GALNT17: variants seen among roughly 807,000 people sequenced by gnomAD.
GALNT17 encodes UDP-GalNAc:polypeptide N-acetylgalactosaminyltransferase-like 3.
GALNT17 carries 29 observed loss-of-function variants against 63.7 expected under a neutral mutation model. The ratio of observed to expected loss-of-function variants is 0.46; its 90% CI spans 0.34 to 0.62. The LOEUF (loss-of-function observed/expected upper bound fraction) is 0.62. Among genes scored for constraint, GALNT17 ranks in the 20% least tolerant of loss-of-function variants. GALNT17 has a pLI of 0.01. For missense variants in GALNT17, 603 were observed against 799.6 expected (o/e 0.75, Z 2.97); for synonymous variants, 305 against 318.3 (o/e 0.96, Z 0.45).
At chr7:71,632,647 G>A (rs1199070213) in intron 6 of GALNT17, among the ~76,000 whole-genome samples, 2 of 152,186 alleles carry the variant, frequency 1.3e-5, no homozygotes, top group Non-Finnish European at 2.9e-5. Flanking sequence ...AATACAACCA[G>A]AATGTAGCAA....
intron 5 of GALNT17, among the ~76,000 whole-genome samples, chr7:71,445,014 G>T (rs1787134781): frequency 6.6e-6 from 1 of 151,968 alleles, no homozygotes; most frequent in South Asian, 2.1e-4. Flanking sequence ...GTGACAGGAG[G>T]GTTTTATGGG....
chr7:71,258,310 G>A (rs1412490323), intron 1 of GALNT17, among the ~76,000 whole-genome samples: 1 of 152,208 alleles, frequency 6.6e-6, no homozygotes, highest in Non-Finnish European at 1.5e-5. Context: ...TTCCCTAAGT[G>A]CAATGCTGAT....
chr7:71,220,156 T>C lies in GALNT17; in HGVS notation c.238+87116T>C, dbSNP rs535833563. Among the ~76,000 whole-genome samples the C allele has an allele frequency of 4.6e-5, 7 of 152,354 alleles. No individual in the cohort carries two copies. The South Asian group carries it at 1.4e-3, about 32-fold the overall frequency. ...TGAGGTTCCCAATTAAGTCCATTTA[T>C]GCAAATGAAGGATTTGGACTTGCTT... On this transcript the variant is annotated intron_variant, in intron 1 of 10. Transcript: ENST00000333538.
At chr7:71,562,767 G>A (rs1206221728) in intron 5 of GALNT17, among the ~76,000 whole-genome samples, 2 of 152,154 alleles carry the variant, frequency 1.3e-5, no homozygotes, top group Non-Finnish European at 2.9e-5. Flanking sequence ...CCATGGCCTG[G>A]GGGTTGAGGA....
chr7:71,260,997 C>T (rs1263214247), intron 1 of GALNT17, among the ~76,000 whole-genome samples: 1 of 152,186 alleles, frequency 6.6e-6, no homozygotes, highest in Non-Finnish European at 1.5e-5. Flanking sequence ...TTGATCGTCA[C>T]ACCGGCTCAT....
At chr7:71,572,992 T>A (rs770724264) in intron 6 of GALNT17, among the ~76,000 whole-genome samples, 32 of 151,966 alleles carry the variant, frequency 2.1e-4, no homozygotes, top group African/African-American at 3.9e-4. Context: ...TTTTTTGTTT[T>A]TTTATTTATT....
chr7:71,611,104 C>A (rs1488561912), intron 6 of GALNT17, among the ~76,000 whole-genome samples: 1 of 152,022 alleles, frequency 6.6e-6, no homozygotes, highest in Non-Finnish European at 1.5e-5. Flanking sequence ...TTCCCCTGGG[C>A]TCCTTCAGAT....
rs368830529 is a variant in GALNT17, at chr7:71,142,872, C to T, written c.238+9832C>T. Among the ~76,000 whole-genome samples the T allele has an allele frequency of 2.7e-5, 4 of 147,174 alleles. No individual in the cohort carries two copies. The East Asian group carries it at 6.2e-4, about 23-fold the overall frequency. ...AGGAGAATCACTTGAACTTGGGAGA[C>T]GGAGGTTGCCATGGGCCGAGATTGT... On this transcript the variant is annotated intron_variant, in intron 1 of 10. Coordinates refer to ENST00000333538, the MANE Select transcript of GALNT17 (RefSeq NM_022479.3).
Position 71,252,396 on chromosome 7 carries a change from G to A in GALNT17, c.239-83154G>A, listed in dbSNP as rs527493963. 7.9e-5 allele frequency among the ~76,000 whole-genome samples: 12 copies of A among 152,056 alleles called. 1 individual carries two copies. In the South Asian group the frequency reaches 2.5e-3, roughly 32 times the overall value. ...AAAAATTACCTGGGCACGGTGGCAC[G>A]TGCCTGTAGTCCCAGCTACTCGGGA... On this transcript the variant is annotated intron_variant, in intron 1 of 10. Transcript: ENST00000333538.
chr7:71,645,476 T>C (rs550273976), intron 6 of GALNT17, among the ~76,000 whole-genome samples: 1 of 152,292 alleles, frequency 6.6e-6, no homozygotes, highest in South Asian at 2.1e-4. Context: ...CCTGCTTCCC[T>C]TTCCGCCATG....
chr7:71,386,182 T>C (rs1413273702), intron 2 of GALNT17, among the ~76,000 whole-genome samples: 1 of 152,226 alleles, frequency 6.6e-6, no homozygotes, highest in Non-Finnish European at 1.5e-5. Context: ...AATGCATCCC[T>C]GGACGATCTT....
At chr7:71,617,027 C>A (rs1304950256) in intron 6 of GALNT17, among the ~76,000 whole-genome samples, 1 of 118,938 alleles carries the variant, frequency 8.4e-6, no homozygotes, top group Admixed American at 8.2e-5. Flanking sequence ...ATACTATTAA[C>A]TATATGAATA....
At chr7:71,274,253 G>A (rs1423921436) in intron 1 of GALNT17, among the ~76,000 whole-genome samples, 4 of 152,168 alleles carry the variant, frequency 2.6e-5, no homozygotes, top group African/African-American at 9.7e-5. Context: ...CACTCATTTT[G>A]AGGGACATTC....
chr7:71,209,358 T>C (rs539618509), intron 1 of GALNT17, among the ~76,000 whole-genome samples: 1 of 152,288 alleles, frequency 6.6e-6, no homozygotes, highest in East Asian at 1.9e-4. Context: ...TTTTCATATA[T>C]AGGCTCACAT....
chr7:71,254,446 G>T (rs1403477546), intron 1 of GALNT17, among the ~76,000 whole-genome samples: 1 of 152,164 alleles, frequency 6.6e-6, no homozygotes, highest in Non-Finnish European at 1.5e-5. Flanking sequence ...ATATGTCAAG[G>T]AAATATATTT....
At chr7:71,458,443 C>A (rs992456777) in intron 5 of GALNT17, among the ~76,000 whole-genome samples, 55 of 152,252 alleles carry the variant, frequency 3.6e-4, no homozygotes, top group African/African-American at 1.3e-3. Context: ...CTGTGGCTGC[C>A]AAAGCCCTAT....
rs111549899 is a variant in GALNT17 at position 71,625,288 on chromosome 7, A to T, written c.1081-40123A>T. 4.2e-4 allele frequency among the ~76,000 whole-genome samples: 64 copies of T among 152,174 alleles called. 1 individual carries two copies. Among genetic ancestry groups the T allele is most frequent in the African/African-American group, 1.4e-3 (59 of 41,552 alleles). On this transcript the variant is annotated intron_variant, in intron 6 of 10. Coordinates refer to ENST00000333538, the MANE Select transcript of GALNT17 (RefSeq NM_022479.3). Reference sequence around the variant, plus strand: ...GCCTCCCGAGTAGCTGGAATTACAGATGTGTGCCACCACACCTGGCCAATT... The same window carrying T: ...GCCTCCCGAGTAGCTGGAATTACAGTTGTGTGCCACCACACCTGGCCAATT...
chr7:71,132,640 C>G lies in GALNT17; in HGVS notation c.-163C>G, dbSNP rs372166341. On this transcript the variant is annotated 5_prime_UTR_variant, in exon 1 of 11. Coordinates refer to ENST00000333538, the MANE Select transcript of GALNT17 (RefSeq NM_022479.3). ...TTCTCCCCACCACCAATCCGACCTC[C>G]CAGCCGTCTCCGCCGCCCGAGCATC... 1.6e-6 allele frequency: 1 copy of G among 607,804 alleles called. No individual in the cohort carries two copies. The highest frequency in any genetic ancestry group is 2.8e-6 in the Non-Finnish European group (1 of 353,856). 37.7% of individuals were successfully genotyped at this position (607,804 alleles called of 1,614,324 possible).
chr7:71,147,166 C>G (rs1788039403), intron 1 of GALNT17, among the ~76,000 whole-genome samples: 1 of 152,058 alleles, frequency 6.6e-6, no homozygotes, highest in African/African-American at 2.4e-5. Flanking sequence ...CATCTCTTTC[C>G]CTCATTGTAT....
Sources: allele counts gnomAD v4.1 joint callset (sites outside exome capture counted in the v4.1 genomes callset), GRCh38; gene constraint gnomAD v4.1.1; transcripts MANE v1.5; gene names NCBI Gene and HGNC (gene_info 2026-07-23, HGNC 2026-07-21).